The following ATP8B1 variants were observed in gnomAD, a reference collection of about 807,000 sequenced individuals.
ATP8B1 encodes the protein ATPase phospholipid transporting 8B1.
In ATP8B1, 80 loss-of-function variants were observed where a neutral mutation model predicts 149.9. The observed-to-expected ratio is 0.53, with a 90% CI of 0.45 to 0.64. The LOEUF (loss-of-function observed/expected upper bound fraction) is 0.64. Among genes scored for constraint, ATP8B1 ranks in the 30% least tolerant of loss-of-function variants. The probability of loss-of-function intolerance (pLI) is 0.00; values close to 1 mark genes in which losing one functional copy is unlikely to be tolerated. For synonymous variants in ATP8B1, 536 were observed against 562.8 expected (o/e 0.95, Z 0.67); for missense variants, 1,247 against 1,552.6 (o/e 0.80, Z 3.31).
At chr18:57,698,488 G>A (rs1043107092) in intron 6 of ATP8B1, among the ~76,000 whole-genome samples, 5 of 152,034 alleles carry the variant, frequency 3.3e-5, no homozygotes, top group African/African-American at 1.2e-4. Context: ...GGGACTACAG[G>A]CACGTGCCTT....
intron 1 of ATP8B1, among the ~76,000 whole-genome samples, chr18:57,754,617 AG>A (rs2080060068): frequency 6.6e-6 from 1 of 152,192 alleles, no homozygotes; most frequent in South Asian, 2.1e-4. Flanking sequence ...AGTAAATATT[AG>A]CTGTTGTTTT....
At chr18:57,744,307 CAAAAAA>C (rs10680324) in intron 1 of ATP8B1, among the ~76,000 whole-genome samples, 1 of 97,840 alleles carries the variant, frequency 1.0e-5, no homozygotes, top group African/African-American at 4.0e-5. Flanking sequence ...GAGACTGTCT[CAAAAAA>C]AAAAAAAAAA....
chr18:57,732,782 C>T (rs903319283), intron 1 of ATP8B1, among the ~76,000 whole-genome samples: 5 of 151,902 alleles, frequency 3.3e-5, no homozygotes, highest in South Asian at 2.1e-4. Context: ...AGGATGGTCT[C>T]GAACTCCTGA....
chr18:57,684,156 T>G lies in ATP8B1; in HGVS notation c.1510A>C (p.Lys504Gln). ...DFSWNTYADG[K>Q]LAFYDHYLIE... Reference sequence around the variant, plus strand: ...AGATAGTGGTCATAAAATGCAAGCTTCCCATCAGCATATGTATTCCAGCTA... The same window carrying G: ...AGATAGTGGTCATAAAATGCAAGCTGCCCATCAGCATATGTATTCCAGCTA... The change falls in exon 15 of 28, where the codon AAG (lysine) becomes CAG (glutamine). Residue 504 changes from lysine to glutamine, a missense_variant. By Grantham distance (53) the Lys-to-Gln change is moderately conservative (BLOSUM62 1). This residue lies in a region of ATP8B1 where 853 missense variants were observed against 1,035.7 expected (regional missense o/e 0.82). Coordinates refer to ENST00000648908, the MANE Select transcript of ATP8B1 (RefSeq NM_001374385.1). 1 of 1,614,056 alleles carries G rather than the reference T, an allele frequency of 6.2e-7. No individual in the cohort carries two copies. Among genetic ancestry groups the G allele is most frequent in the Non-Finnish European group, 8.5e-7 (1 of 1,179,952 alleles).
chr18:57,657,244 A>T lies in ATP8B1; in HGVS notation c.2708-1827T>A, dbSNP rs185081919. On this transcript the variant is annotated intron_variant, in intron 22 of 27. Coordinates refer to ENST00000648908, the MANE Select transcript of ATP8B1 (RefSeq NM_001374385.1). ...TCATGGCCCTCTGGGACCTTAAGAC[A>T]TTTTTTTTTTCTTTACGGGGGAAGG... Among the ~76,000 whole-genome samples the T allele has an allele frequency of 2.1e-4, 32 of 150,392 alleles. No individual in the cohort carries two copies. In the East Asian group the frequency reaches 5.7e-3, roughly 27 times the overall value.
rs570427925 is a variant in ATP8B1, at chr18:57,762,192, G to A, written c.-25-30360C>T. Reference sequence around the variant, plus strand: ...CTCACTCTGTTACCCAGGCTGTAGTGCAGTAATGTGATCTCGGCTCACTGC... The same window carrying A: ...CTCACTCTGTTACCCAGGCTGTAGTACAGTAATGTGATCTCGGCTCACTGC... On this transcript the variant is annotated intron_variant, in intron 1 of 27. Transcript: ENST00000648908. Among the ~76,000 whole-genome samples, 88 of 151,268 alleles carry A rather than the reference G, an allele frequency of 5.8e-4. 1 individual carries two copies. Among genetic ancestry groups the A allele is most frequent in the Middle Eastern group, 6.8e-3 (2 of 292 alleles).
At chr18:57,733,134 T>C (rs545138576) in intron 1 of ATP8B1, among the ~76,000 whole-genome samples, 1 of 152,304 alleles carries the variant, frequency 6.6e-6, no homozygotes, top group Non-Finnish European at 1.5e-5. Flanking sequence ...TTAGATTTAT[T>C]TTAGGAAAAT....
intron 16 of ATP8B1, among the ~76,000 whole-genome samples, chr18:57,672,675 T>G (rs1053405611): frequency 6.6e-6 from 1 of 151,716 alleles, no homozygotes; most frequent in Non-Finnish European, 1.5e-5. Context: ...GAGACCAGCC[T>G]GACCAACATG....
At chr18:57,758,480 A>AG (rs952785188) in intron 1 of ATP8B1, among the ~76,000 whole-genome samples, 3 of 147,284 alleles carry the variant, frequency 2.0e-5, no homozygotes, top group Non-Finnish European at 4.5e-5. Flanking sequence ...GTCTCTACTA[A>AG]AAAAAAAAAA....
rs1455374706 is a variant in ATP8B1, at chr18:57,697,649, G to A, written c.667C>T (p.Leu223Phe). 5 of 1,613,948 alleles carry A rather than the reference G, an allele frequency of 3.1e-6. No individual in the cohort carries two copies. Among genetic ancestry groups the A allele is most frequent in the Non-Finnish European group, 4.2e-6 (5 of 1,180,002 alleles). Residue 223 changes from leucine to phenylalanine, a missense_variant, in exon 8 of 28, where the codon CTC becomes TTC. Transcript: ENST00000648908. ...AGTTCTGCTGTTTCCACATAGCAGAGGCTGTTAGGCTCAGAGCTAGACAGC... is the reference window on the plus strand; with the variant it reads ...AGTTCTGCTGTTTCCACATAGCAGAAGCTGTTAGGCTCAGAGCTAGACAGC... ...LLLSSSEPNS[L>F]CYVETAELDG...
Position 57,736,453 on chromosome 18 carries a change from G to GTTTTTTTTTTTT in ATP8B1, c.-25-4633_-25-4622dup, listed in dbSNP as rs71171079. On this transcript the variant is annotated intron_variant, in intron 1 of 27. Coordinates refer to ENST00000648908, the MANE Select transcript of ATP8B1 (RefSeq NM_001374385.1). The stretch of plus-strand genomic sequence containing the variant: ...TTTCTTCTAGTATAAAGTTTTACTA[G>GTTTTTTTTTTTT]TTTTTTTTTTTTTTTTTTTTTTTTG... Among the ~76,000 whole-genome samples, 2 of 70,142 alleles carry GTTTTTTTTTTTT rather than the reference G, an allele frequency of 2.9e-5. 1 individual carries two copies. The allele number at this position is 70,142 out of a possible 152,430, so 46.0% of individuals were successfully genotyped here.
chr18:57,772,263 G>A (rs1213226477), intron 1 of ATP8B1, among the ~76,000 whole-genome samples: 1 of 152,182 alleles, frequency 6.6e-6, no homozygotes, highest in African/African-American at 2.4e-5. Context: ...AGAAGTGGAG[G>A]AGAAAGCAGT....
intron 1 of ATP8B1, among the ~76,000 whole-genome samples, chr18:57,786,956 G>A (rs1480854575): frequency 1.3e-5 from 2 of 152,142 alleles, no homozygotes; most frequent in Non-Finnish European, 2.9e-5. Context: ...GAACAACATC[G>A]ACTTGGAACA....
intron 1 of ATP8B1, among the ~76,000 whole-genome samples, chr18:57,741,747 A>G: frequency 6.6e-6 from 1 of 152,228 alleles, no homozygotes; most frequent in East Asian, 1.9e-4. Flanking sequence ...CAGGCACTCA[A>G]TGTAGCCACT....
intron 20 of ATP8B1, 83 bp from the exon 21 acceptor site, chr18:57,662,698 A>T: frequency 6.7e-7 from 1 of 1,485,904 alleles, no homozygotes; most frequent in Non-Finnish European, 9.2e-7. Flanking sequence ...CTTAAAAAAA[A>T]TTGTGACAAA....
intron 1 of ATP8B1, among the ~76,000 whole-genome samples, chr18:57,781,496 G>A (rs759238693): frequency 2.6e-5 from 4 of 152,164 alleles, no homozygotes; most frequent in Admixed American, 6.5e-5. Flanking sequence ...GATTAGGGGA[G>A]GTGTGAGTGC....
rs33963153 is a variant in ATP8B1 at position 57,674,914 on chromosome 18, C to T, written c.1739G>A (p.Ser580Asn). 3,527 of 1,614,236 alleles carry T rather than the reference C, an allele frequency of 2.2e-3. 73 individuals carry two copies. The African/African-American group carries it at 0.043, about 19-fold the overall frequency. ...GTAAGTCCTTTCAGTGCCCAGTTCACTGATGGTGATGGTGTTCTGGGTCCT... is the reference window on the plus strand; with the variant it reads ...GTAAGTCCTTTCAGTGCCCAGTTCATTGATGGTGATGGTGTTCTGGGTCCT... ...LARTQNTITI[S>N]ELGTERTYNV... The change falls in exon 16 of 28, where the codon AGT (serine) becomes AAT (asparagine). Residue 580 changes from serine (S) to asparagine (N), a missense_variant. By Grantham distance (46) the Ser-to-Asn change is conservative (BLOSUM62 1). This residue lies in a region of ATP8B1 where 853 missense variants were observed against 1,035.7 expected (regional missense o/e 0.82). Transcript: ENST00000648908.
rs752429116 is a variant in ATP8B1 at position 57,655,297 on chromosome 18, G to A, written c.2828C>T (p.Ser943Phe). 7.4e-6 allele frequency: 12 copies of A among 1,614,140 alleles called. No individual in the cohort carries two copies. Among genetic ancestry groups the A allele is most frequent in the South Asian group, 1.1e-5 (1 of 91,084 alleles). ...TAGGAACTTGCACATCCTTATGTAA[G>A]ACCATCGGCCATGCACCAGCAGTAG... is the stretch of plus-strand genomic sequence containing the variant. ...QRLLLVHGRW[S>F]YIRMCKFLRY... The change falls in exon 23 of 28, where the codon TCT (serine) becomes TTT (phenylalanine). Residue 943 changes from serine (S) to phenylalanine (F), a missense_variant. Around this residue, in one of 3 missense-constraint regions of ATP8B1, gnomAD observed 230 missense variants for 356.6 expected, o/e 0.65. Transcript: ENST00000648908.
At chr18:57,755,640 G>A (rs72627258) in intron 1 of ATP8B1, 2 of 152,194 alleles carry the variant, frequency 1.3e-5, no homozygotes, top group Non-Finnish European at 2.9e-5. Context: ...CCCAGGCTCT[G>A]GTCAGCTGCC....
Sources: allele counts gnomAD v4.1 joint callset (sites outside exome capture counted in the v4.1 genomes callset), GRCh38; gene constraint gnomAD v4.1.1; regional missense constraint gnomAD v4.1.1; transcripts MANE v1.5; gene names NCBI Gene and HGNC (gene_info 2026-07-23, HGNC 2026-07-21).